FOXO4: variants seen among roughly 807,000 people sequenced by gnomAD.
The protein encoded by FOXO4 is forkhead box O4.
FOXO4 carries 3 observed loss-of-function variants against 20.8 expected under a neutral mutation model. That is an observed-to-expected ratio of 0.14 (90% CI 0.07 to 0.37). The LOEUF is 0.37. Among genes scored for constraint, FOXO4 ranks in the 10% least tolerant of loss-of-function variants. The pLI is 1.00. For synonymous variants in FOXO4, 158 were observed against 180.0 expected, an observed-to-expected ratio of 0.88 and a Z score of 0.98; for missense variants, 309 against 431.9, an observed-to-expected ratio of 0.72 and a Z score of 2.52.
chrX:71,098,536 A>T (rs1569478774), intron 1 of FOXO4, among the ~76,000 whole-genome samples: 1 of 111,872 alleles, frequency 8.9e-6, no homozygotes, highest in Admixed American at 9.5e-5. Flanking sequence ...TTAGAACAAG[A>T]AAGTTTAGAT....
rs1262829761 is a variant in FOXO4 at position 71,096,568 on chromosome X, G to T, written c.40G>T (p.Ala14Ser). 1.1e-5 allele frequency: 13 copies of T among 1,208,224 alleles called. No individual in the cohort carries two copies. Among genetic ancestry groups the T allele is most frequent in the African/African-American group, 1.7e-5 (1 of 57,203 alleles). ...GNENSATEAA[A>S]IIDLDPDFEP... ...TGAGAATTCAGCCACAGAGGCTGCCGCGATCATAGACCTAGATCCCGACTT... is the reference window on the plus strand; with the variant it reads ...TGAGAATTCAGCCACAGAGGCTGCCTCGATCATAGACCTAGATCCCGACTT... Residue 14 changes from alanine to serine, a missense_variant, in exon 1 of 3, where the codon GCG (alanine) becomes TCG (serine). Coordinates refer to ENST00000374259, the MANE Select transcript of FOXO4 (RefSeq NM_005938.4).
At position 71,102,512 on chromosome X, in the gene FOXO4, A is replaced by T. The variant is rs1003503613; in HGVS notation, c.*428A>T. On this transcript the variant is annotated 3_prime_UTR_variant, in exon 3 of 3. Transcript: ENST00000374259. The stretch of plus-strand genomic sequence containing the variant: ...AGGCTAGCTGGAGCCTGGGATTTCT[A>T]TGCAGTGGCCCCTTAGGCCAGTGAT... 9.2e-6 allele frequency: 2 copies of T among 216,822 alleles called. No homozygotes were observed. The highest frequency in any genetic ancestry group is 5.7e-5 in the African/African-American group (2 of 34,955). 17.9% of individuals were successfully genotyped at this position (216,822 alleles called of 1,213,427 possible). A position where few individuals can be genotyped will look rare whatever the true frequency, so the allele number is the denominator to read the frequency against.
intron 1 of FOXO4, among the ~76,000 whole-genome samples, chrX:71,098,795 T>C (rs951524689): frequency 3.6e-5 from 4 of 111,552 alleles, no homozygotes; most frequent in Non-Finnish European, 7.5e-5. Flanking sequence ...CAGGTCATGG[T>C]CATTGTGGTC....
chrX:71,098,828 CG>C (rs767927829), intron 1 of FOXO4, among the ~76,000 whole-genome samples: 4 of 111,038 alleles, frequency 3.6e-5, no homozygotes, highest in Non-Finnish European at 5.7e-5. Flanking sequence ...GAGGTGAGGC[CG>C]GATGGACAAG....
intron 1 of FOXO4, among the ~76,000 whole-genome samples, chrX:71,099,749 A>G (rs1228263050): frequency 8.9e-6 from 1 of 111,892 alleles, no homozygotes; most frequent in Admixed American, 9.4e-5. Flanking sequence ...TAAAACTTAG[A>G]GAGGGGAGAT....
Position 71,096,275 on chromosome X carries a change from C to T in FOXO4, c.-254C>T, listed in dbSNP as rs772623953. 1.1e-4 allele frequency: 45 copies of T among 416,078 alleles called. No individual in the cohort carries two copies. In the Admixed American group the frequency reaches 1.5e-3, roughly 14 times the overall value. The allele number at this position is 416,078 out of a possible 1,213,427, so 34.3% of individuals were successfully genotyped here. On this transcript the variant is annotated 5_prime_UTR_variant, in exon 1 of 3. Transcript: ENST00000374259. ...AGAGGTTGCAGAAAAAGTGTCTTCG[C>T]TCGGCAGAGGTTACAGGTGGCATCT...
intron 1 of FOXO4, among the ~76,000 whole-genome samples, chrX:71,097,308 T>A (rs1342214922): frequency 9.0e-6 from 1 of 110,747 alleles, no homozygotes; most frequent in African/African-American, 3.3e-5. Context: ...GAAGTCTTTA[T>A]CCTATGTACA....
chrX:71,098,095 C>T (rs1022135527), intron 1 of FOXO4, among the ~76,000 whole-genome samples: 1 of 111,798 alleles, frequency 8.9e-6, no homozygotes, highest in African/African-American at 3.3e-5. Flanking sequence ...TTTCTTTTCC[C>T]TTAGGTTCAT....
intron 1 of FOXO4, among the ~76,000 whole-genome samples, chrX:71,099,974 G>A (rs1028548542): frequency 8.9e-6 from 1 of 112,353 alleles, no homozygotes; most frequent in African/African-American, 3.2e-5. Context: ...CTGCTGTGCT[G>A]AGATTCCAGC....
Position 71,096,612 on chromosome X carries a change from C to A in FOXO4, c.84C>A (p.Pro28=). 8.3e-7 allele frequency: 1 copy of A among 1,210,643 alleles called. No individual in the cohort carries two copies. The highest frequency in any genetic ancestry group is 3.0e-5 in the East Asian group (1 of 33,769). Residue 28 remains proline, a synonymous_variant, in exon 1 of 3, where the codon CCC becomes CCA. Coordinates refer to ENST00000374259, the MANE Select transcript of FOXO4 (RefSeq NM_005938.4). ...CCGACTTCGAACCCCAGAGCCGTCCCCGCTCCTGCACCTGGCCCCTTCCCC... is the reference window on the plus strand; with the variant it reads ...CCGACTTCGAACCCCAGAGCCGTCCACGCTCCTGCACCTGGCCCCTTCCCC... ...LDPDFEPQSR[P]RSCTWPLPRP...
rs1262829761 is a variant in FOXO4, at chrX:71,096,568, G to A, written c.40G>A (p.Ala14Thr). 12 of 1,208,224 alleles carry A rather than the reference G, an allele frequency of 9.9e-6. No homozygotes were observed. The highest frequency in any genetic ancestry group is 5.9e-5 in the East Asian group (2 of 33,677). Reference protein sequence around the residue: ...GNENSATEAAAIIDLDPDFEP... With the variant: ...GNENSATEAATIIDLDPDFEP... Reference sequence around the variant, plus strand: ...TGAGAATTCAGCCACAGAGGCTGCCGCGATCATAGACCTAGATCCCGACTT... The same window carrying A: ...TGAGAATTCAGCCACAGAGGCTGCCACGATCATAGACCTAGATCCCGACTT... The change falls in exon 1 of 3, where the codon GCG (alanine) becomes ACG (threonine). Residue 14 changes from alanine (A) to threonine (T), a missense_variant. This residue lies in a region of FOXO4 where 81 missense variants were observed against 94.2 expected (regional missense o/e 0.86). Coordinates refer to ENST00000374259, the MANE Select transcript of FOXO4 (RefSeq NM_005938.4).
rs2092237521 is a variant in FOXO4, at chrX:71,103,525, T to C, written c.*1441T>C. On this transcript the variant is annotated 3_prime_UTR_variant, in exon 3 of 3. Transcript: ENST00000374259. Reference sequence around the variant, plus strand: ...TAAATGAATAAATTCAATAAATGCCTATAACCAGCTCTGGTTTCTGCTGCC... The same window carrying C: ...TAAATGAATAAATTCAATAAATGCCCATAACCAGCTCTGGTTTCTGCTGCC... 6.3e-6 allele frequency: 1 copy of C among 158,190 alleles called. No homozygotes were observed. Among genetic ancestry groups the C allele is most frequent in the Non-Finnish European group, 1.3e-5 (1 of 79,874 alleles). 13.0% of individuals were successfully genotyped at this position (158,190 alleles called of 1,213,427 possible).
intron 1 of FOXO4, among the ~76,000 whole-genome samples, chrX:71,099,641 G>A (rs949193351): frequency 2.7e-5 from 3 of 111,697 alleles, no homozygotes; most frequent in Non-Finnish European, 5.6e-5. Flanking sequence ...ATTGTGTGGC[G>A]CAGATTTTAA....
In FOXO4 at chrX:71,101,151, A is replaced by G; in HGVS notation, c.921A>G (p.Leu307=). 8.3e-7 allele frequency: 1 copy of G among 1,211,243 alleles called. No homozygotes were observed. Among genetic ancestry groups the G allele is most frequent in the Non-Finnish European group, 1.1e-6 (1 of 895,272 alleles). ...PPTLNEGLEL[L]DGLNLTSSHS... is the part of the protein sequence containing the mutation. ...CCCTCAATGAAGGTCTAGAGCTGTT[A>G]GATGGGCTCAATCTCACCTCTTCCC... The change falls in exon 2 of 3, where the codon TTA becomes TTG. Residue 307 remains leucine, a synonymous_variant. Transcript: ENST00000374259.
In FOXO4 at chrX:71,100,816, G is replaced by A. The variant is rs766965166; in HGVS notation, c.586G>A (p.Ala196Thr). The A allele has an allele frequency of 1.2e-5, 14 of 1,209,016 alleles. No homozygotes were observed. Among genetic ancestry groups the A allele is most frequent in the African/African-American group, 7.0e-5 (4 of 57,201 alleles). ...CGGCAAAGCCCCCCGCCGCCGGGCCGCCTCCATGGATAGCAGCAGCAAGCT... is the reference window on the plus strand; with the variant it reads ...CGGCAAAGCCCCCCGCCGCCGGGCCACCTCCATGGATAGCAGCAGCAAGCT... ...KSGKAPRRRAASMDSSSKLLR... is the reference protein window; with the variant it reads ...KSGKAPRRRATSMDSSSKLLR... Residue 196 changes from alanine (A) to threonine (T), a missense_variant, in exon 2 of 3, where the codon GCC becomes ACC. Around this residue, in one of 3 missense-constraint regions of FOXO4, gnomAD observed 223 missense variants for 302.7 expected, o/e 0.74. Coordinates refer to ENST00000374259, the MANE Select transcript of FOXO4 (RefSeq NM_005938.4).
Position 71,096,472 on chromosome X carries a change from G to C in FOXO4, c.-57G>C, listed in dbSNP as rs2092218221. On this transcript the variant is annotated 5_prime_UTR_variant, in exon 1 of 3. Coordinates refer to ENST00000374259, the MANE Select transcript of FOXO4 (RefSeq NM_005938.4). ...TGCTTCCCCCCTGAGGGGAGGCATC[G>C]TGAGGGACTGTGGCAGGCTTCACTG... 5.7e-6 allele frequency: 6 copies of C among 1,055,180 alleles called. No individual in the cohort carries two copies. Among genetic ancestry groups the C allele is most frequent in the Middle Eastern group, 2.5e-4 (1 of 3,969 alleles). The allele number at this position is 1,055,180 out of a possible 1,213,427, so 87.0% of individuals were successfully genotyped here.
Position 71,101,334 on chromosome X carries a change from C to T in FOXO4, c.1104C>T (p.Ala368=). The T allele has an allele frequency of 8.3e-7, 1 of 1,211,464 alleles. No homozygotes were observed. Among genetic ancestry groups the T allele is most frequent in the Admixed American group, 2.2e-5 (1 of 46,043 alleles). The change falls in exon 2 of 3, where the codon GCC becomes GCT. Residue 368 remains alanine, a synonymous_variant. Transcript: ENST00000374259. ...GCFSSSQALE[A]LLTSDTPPPP... ...TCTCCAGCTCCCAGGCTCTGGAGGC[C>T]CTGCTCACCTCTGATACGCCACCAC...
At chrX:71,099,731 G>A (rs745438124) in intron 1 of FOXO4, among the ~76,000 whole-genome samples, 2 of 111,841 alleles carry the variant, frequency 1.8e-5, no homozygotes, top group Non-Finnish European at 3.8e-5. Context: ...TGGTCTTGAC[G>A]GAACTAGTAA....
In FOXO4 at chrX:71,096,193, A is replaced by C; in HGVS notation, c.-336A>C. The stretch of plus-strand genomic sequence containing the variant: ...GGCTAAGGAGACGTTCGGTGATGGG[A>C]GCGCAATATATGAGGGGATACAGTG... On this transcript the variant is annotated 5_prime_UTR_variant, in exon 1 of 3. Coordinates refer to ENST00000374259, the MANE Select transcript of FOXO4 (RefSeq NM_005938.4). 35 of 254,405 alleles carry C rather than the reference A, an allele frequency of 1.4e-4. No homozygotes were observed. Among genetic ancestry groups the C allele is most frequent in the Non-Finnish European group, 1.7e-4 (25 of 143,038 alleles). 21.0% of individuals were successfully genotyped at this position (254,405 alleles called of 1,213,427 possible).
Sources: allele counts gnomAD v4.1 joint callset (sites outside exome capture counted in the v4.1 genomes callset), GRCh38; gene constraint gnomAD v4.1.1; regional missense constraint gnomAD v4.1.1; transcripts MANE v1.5; gene names NCBI Gene and HGNC (gene_info 2026-07-23, HGNC 2026-07-21).